The following KANSL1L variants were observed in gnomAD, a reference collection of about 807,000 sequenced individuals.
The protein encoded by KANSL1L is KAT8 regulatory NSL complex subunit 1 like.
Under a neutral mutation model 108.6 loss-of-function variants are expected in KANSL1L, and 25 were observed. The ratio of observed to expected loss-of-function variants is 0.23; its 90% confidence interval spans 0.17 to 0.32. KANSL1L has a LOEUF of 0.32. Ranked by LOEUF, KANSL1L falls within the 10% of genes least tolerant of loss-of-function variation. KANSL1L has a pLI of 1.00. For missense variants in KANSL1L, 1,137 were observed against 1,125.7 expected (o/e 1.01, Z -0.14); for synonymous variants, 405 against 395.1 (o/e 1.03, Z -0.30).
At chr2:210,125,254 CAAAA>C (rs1448286421) in intron 3 of KANSL1L, among the ~76,000 whole-genome samples, 1 of 151,514 alleles carries the variant, frequency 6.6e-6, no homozygotes, top group African/African-American at 2.4e-5. Context: ...AACTCCAACT[CAAAA>C]GAAAAGAAAA....
In KANSL1L at chr2:210,024,163, A is replaced by G. The variant is rs777821718; in HGVS notation, c.2603T>C (p.Leu868Ser). 1 of 1,605,638 alleles carries G rather than the reference A, an allele frequency of 6.2e-7. No homozygotes were observed. Among genetic ancestry groups the G allele is most frequent in the South Asian group, 1.1e-5 (1 of 89,632 alleles). ...SKNVEGQDLL[L>S]KEYPNNFSSS... ...ACTGAAGTTATTAGGGTATTCTTTC[A>G]AAAGCAAGTCCTGTCCTTCAACATT... Residue 868 changes from leucine to serine, a missense_variant, in exon 14 of 15, where the codon TTG becomes TCG. By Grantham distance (145) the Leu-to-Ser change is moderately radical (BLOSUM62 -2). This residue lies in a region of KANSL1L where 575 missense variants were observed against 567.1 expected (regional missense o/e 1.01). Transcript: ENST00000281772.
chr2:210,035,239 A>C (rs2094084884), intron 8 of KANSL1L: 1 of 152,182 alleles, frequency 6.6e-6, no homozygotes, highest in Non-Finnish European at 1.5e-5. Context: ...AACTTTGAAC[A>C]TTTTGGTAAG....
intron 3 of KANSL1L, among the ~76,000 whole-genome samples, chr2:210,109,787 C>T (rs1559563811): frequency 1.3e-5 from 2 of 151,664 alleles, no homozygotes; most frequent in East Asian, 3.9e-4. Context: ...TATTACCTTC[C>T]TTGGTAATAT....
chr2:210,146,614 T>A (rs2095267710), intron 2 of KANSL1L, among the ~76,000 whole-genome samples: 1 of 152,130 alleles, frequency 6.6e-6, no homozygotes. Flanking sequence ...TCGAAGAAAA[T>A]TATGTTATGA....
intron 6 of KANSL1L, among the ~76,000 whole-genome samples, chr2:210,072,445 C>T (rs1575474419): frequency 6.6e-6 from 1 of 152,194 alleles, no homozygotes; most frequent in Non-Finnish European, 1.5e-5. Context: ...TGGCAGGAGG[C>T]ACTTTAAGAC....
rs1367147061 is a variant in KANSL1L, at chr2:210,153,680, T to C, written c.903A>G (p.Ala301=). The change falls in exon 2 of 15, where the codon GCA becomes GCG. Residue 301 remains alanine (A), a synonymous_variant. Coordinates refer to ENST00000281772, the MANE Select transcript of KANSL1L (RefSeq NM_152519.4). ...TTGCATCATCCCACAATTTATTCTCTGCAGTCAATGTGTTAACTTCTGGCT... is the reference window on the plus strand; with the variant it reads ...TTGCATCATCCCACAATTTATTCTCCGCAGTCAATGTGTTAACTTCTGGCT... ...EIKPEVNTLT[A]ENKLWDDAKN... is the part of the protein sequence containing the mutation. The C allele has an allele frequency of 6.2e-7, 1 of 1,608,832 alleles. No individual in the cohort carries two copies. The highest frequency in any genetic ancestry group is 8.5e-7 in the Non-Finnish European group (1 of 1,177,586).
At position 210,028,987 on chromosome 2, in the gene KANSL1L, A is replaced by G. The variant is rs759710577; in HGVS notation, c.2272-18T>C. ...GCAGTATTCTGCAAAACAGGATTAC[A>G]GTAGATTTACAGTACTGTCTAGTTA... On this transcript the variant is annotated intron_variant, in intron 10 of 14. Transcript: ENST00000281772. 6.2e-7 allele frequency: 1 copy of G among 1,602,200 alleles called. No homozygotes were observed. Among genetic ancestry groups the G allele is most frequent in the Non-Finnish European group, 8.5e-7 (1 of 1,172,772 alleles).
At chr2:210,081,268 A>G (rs1157463656) in intron 5 of KANSL1L, among the ~76,000 whole-genome samples, 1 of 152,164 alleles carries the variant, frequency 6.6e-6, no homozygotes, top group African/African-American at 2.4e-5. Context: ...TTCCAACCAT[A>G]CTGCTTCCTT....
Position 210,153,934 on chromosome 2 carries a change from C to G in KANSL1L, c.649G>C (p.Glu217Gln). The change falls in exon 2 of 15, where the codon GAG (glutamate) becomes CAG (glutamine). Residue 217 changes from glutamate to glutamine, a missense_variant. This residue lies in a region of KANSL1L where 556 missense variants were observed against 537.7 expected (regional missense o/e 1.03). Coordinates refer to ENST00000281772, the MANE Select transcript of KANSL1L (RefSeq NM_152519.4). ...AGTAAACGAGCATGTACTTCCTCCT[C>G]TTTTTCAGCAGCTGAAGAACTAACA... is the stretch of plus-strand genomic sequence containing the variant. ...VPVSSSAAEK[E>Q]EEVHARLLHC... is the part of the protein sequence containing the mutation. The G allele has an allele frequency of 6.2e-7, 1 of 1,613,544 alleles. No individual in the cohort carries two copies.
chr2:210,105,807 T>A (rs1345007308), intron 3 of KANSL1L, among the ~76,000 whole-genome samples: 1 of 152,138 alleles, frequency 6.6e-6, no homozygotes, highest in East Asian at 1.9e-4. Context: ...GGGAGCCACT[T>A]GATCCCAATT....
intron 1 of KANSL1L, chr2:210,170,299 T>C: frequency 1.1e-6 from 1 of 930,242 alleles, no homozygotes; most frequent in Non-Finnish European, 1.3e-6. Context: ...AACATGAATG[T>C]CCTGAAGTTT....
chr2:210,053,246 T>G (rs192678180), intron 6 of KANSL1L, among the ~76,000 whole-genome samples: 1 of 152,306 alleles, frequency 6.6e-6, no homozygotes, highest in Non-Finnish European at 1.5e-5. Context: ...AATGGACTGT[T>G]TTGTCTTTTC....
At chr2:210,146,365 CGA>C (rs1470348833) in intron 2 of KANSL1L, among the ~76,000 whole-genome samples, 1 of 152,170 alleles carries the variant, frequency 6.6e-6, no homozygotes, top group Non-Finnish European at 1.5e-5. Flanking sequence ...ATCTCCTACT[CGA>C]CTATCTTGCT....
chr2:210,153,444 T>A, intron 2 of KANSL1L, 51 bp downstream of exon 2: 1 of 1,366,928 alleles, frequency 7.3e-7, no homozygotes, highest in Non-Finnish European at 1.0e-6. Context: ...ACTAAGATAA[T>A]TGCTGCTATA....
intron 1 of KANSL1L, among the ~76,000 whole-genome samples, chr2:210,158,883 A>G (rs1217037706): frequency 6.6e-6 from 1 of 152,206 alleles, no homozygotes; most frequent in Non-Finnish European, 1.5e-5. Flanking sequence ...ATCATTTTAC[A>G]TAACAATGTT....
intron 1 of KANSL1L, among the ~76,000 whole-genome samples, chr2:210,162,317 C>A (rs967286745): frequency 1.4e-5 from 2 of 147,422 alleles, no homozygotes; most frequent in Non-Finnish European, 3.0e-5. Flanking sequence ...AAAGACTTAA[C>A]AGGAATTAAG....
At position 210,098,073 on chromosome 2, in the gene KANSL1L, CATTG is replaced by C; in HGVS notation, c.1550+9_1550+12del. 6.3e-7 allele frequency: 1 copy of C among 1,587,356 alleles called. No individual in the cohort carries two copies. ...GTTGAATTTAAAAGCTAAGCTATTC[CATTG>C]ATACCTACCTCCTGTAAATGCCATT... On this transcript the variant is annotated intron_variant, in intron 5 of 14. Transcript: ENST00000281772.
chr2:210,108,691 G>C (rs1237177166), intron 3 of KANSL1L, among the ~76,000 whole-genome samples: 1 of 152,150 alleles, frequency 6.6e-6, no homozygotes, highest in Non-Finnish European at 1.5e-5. Flanking sequence ...ATCTTGAAAC[G>C]ACTGGGTAAT....
At chr2:210,047,009 T>C (rs1402774343) in intron 6 of KANSL1L, among the ~76,000 whole-genome samples, 2 of 152,188 alleles carry the variant, frequency 1.3e-5, no homozygotes, top group Non-Finnish European at 2.9e-5. Context: ...GGTGGCTCCA[T>C]ATTTGAAACT....
Sources: gnomAD v4.1 joint callset for allele counts (sites outside exome capture counted in the v4.1 genomes callset) on GRCh38, gnomAD v4.1.1 for gene constraint, gnomAD v4.1.1 regional missense constraint, MANE v1.5 for transcripts, NCBI Gene and HGNC (gene_info 2026-07-23, HGNC 2026-07-21) for gene names.